Variants in BET1 observed in about 807,000 individuals in gnomAD.
BET1 encodes the protein BET1 homolog.
In BET1, 9 loss-of-function variants were observed where a neutral mutation model predicts 13.9. That is an observed-to-expected ratio of 0.65 (90% CI 0.39 to 1.13). BET1 has a LOEUF of 1.13. Ranked by LOEUF, BET1 falls within the 50% of genes most tolerant of loss-of-function variation. BET1 has a pLI of 0.01. For missense variants in BET1, 127 were observed against 133.6 expected, an observed-to-expected ratio of 0.95 and a Z score of 0.24; for synonymous variants, 39 against 47.3, an observed-to-expected ratio of 0.82 and a Z score of 0.72.
chr7:93,971,782 G>C (rs1352900555), intron 6 of BET1, among the ~76,000 whole-genome samples: 1 of 151,616 alleles, frequency 6.6e-6, no homozygotes, highest in Admixed American at 6.6e-5. Flanking sequence ...TTGTATTAAT[G>C]ATATGGATTC....
chr7:93,991,602 CTATGAG>C (rs558838307), downstream of BET1: 362 of 163,754 alleles, frequency 2.2e-3, 1 homozygote, highest in South Asian at 0.012. Flanking sequence ...TCCTATCAGC[CTATGAG>C]TATATTTCTA....
At chr7:93,965,457 T>C (rs1048523639) in exon 7 of BET1, 11 of 152,108 alleles carry the variant, frequency 7.2e-5, no homozygotes, top group African/African-American at 2.7e-4. Context: ...ATATAATCTA[T>C]ACAATTTTAA....
intron 4 of BET1, among the ~76,000 whole-genome samples, chr7:93,979,502 G>C (rs906187877): frequency 1.3e-5 from 2 of 152,088 alleles, no homozygotes; most frequent in African/African-American, 4.8e-5. Context: ...GGGAATGGTA[G>C]TGTCAGCAAG....
chr7:93,988,868 A>G (rs1795574822), downstream of BET1, among the ~76,000 whole-genome samples: 1 of 150,896 alleles, frequency 6.6e-6, no homozygotes, highest in South Asian at 2.1e-4. Flanking sequence ...ATTAAAACTT[A>G]TTCCACCACA....
intron 1 of BET1, among the ~76,000 whole-genome samples, chr7:94,003,266 C>T (rs1420977361): frequency 6.6e-6 from 1 of 151,400 alleles, no homozygotes; most frequent in Non-Finnish European, 1.5e-5. Context: ...AAAACTTTCT[C>T]ATACTACAAT....
Position 93,983,368 on chromosome 7 carries a change from T to C in BET1, c.236-7268A>G, listed in dbSNP as rs773110282. 6.0e-4 allele frequency among the ~76,000 whole-genome samples: 91 copies of C among 152,208 alleles called. 1 individual carries two copies. Among genetic ancestry groups the C allele is most frequent in the Non-Finnish European group, 1.2e-3 (80 of 68,036 alleles). On this transcript the variant is annotated intron_variant and NMD_transcript_variant, in intron 4 of 6. Coordinates refer to the BET1 transcript ENST00000357520. ...TGCATTGGTGGTTCACCTCAATATA[T>C]TGAATTCCCTAAAAAGACATGAACT...
intron 4 of BET1, among the ~76,000 whole-genome samples, chr7:93,980,255 A>G (rs993922197): frequency 6.6e-6 from 1 of 152,178 alleles, no homozygotes; most frequent in African/African-American, 2.4e-5. Context: ...GAATAGGAGG[A>G]AGGCTTCCAA....
chr7:94,000,615 A>T (rs1366980690), intron 1 of BET1, among the ~76,000 whole-genome samples: 1 of 152,042 alleles, frequency 6.6e-6, no homozygotes, highest in African/African-American at 2.4e-5. Flanking sequence ...TTTTCTGCAG[A>T]AGAGTTCATC....
exon 7 of BET1, chr7:93,964,348 A>C (rs1303846985): frequency 6.6e-6 from 1 of 152,012 alleles, no homozygotes; most frequent in Non-Finnish European, 1.5e-5. Context: ...TCCCACTTAT[A>C]AGTAAGAACA....
chr7:93,967,424 T>C (rs1252280319), intron 6 of BET1, among the ~76,000 whole-genome samples: 1 of 151,852 alleles, frequency 6.6e-6, no homozygotes, highest in Non-Finnish European at 1.5e-5. Context: ...TATAGGGCCA[T>C]CAACTTTAGT....
chr7:93,992,222 C>T, downstream of BET1: 2 of 985,290 alleles, frequency 2.0e-6, no homozygotes, highest in Non-Finnish European at 2.4e-6. Context: ...AATGTTGAAC[C>T]ATGCAGTGAT....
At chr7:93,994,473 T>C (rs1795718130) in intron 3 of BET1, 88 bp from the exon 4 acceptor site, 23 of 1,331,654 alleles carry the variant, frequency 1.7e-5, no homozygotes, top group Non-Finnish European at 2.2e-5. Flanking sequence ...ACTGTTACCA[T>C]AGTACATTTG....
At chr7:93,991,215 T>C (rs1795626997), downstream of BET1, among the ~76,000 whole-genome samples, 1 of 152,204 alleles carries the variant, frequency 6.6e-6, no homozygotes, top group Admixed American at 6.5e-5. Flanking sequence ...TGTAGGAAGA[T>C]TTTATCCATA....
intron 4 of BET1, among the ~76,000 whole-genome samples, chr7:93,978,649 G>A (rs1285681058): frequency 6.6e-6 from 1 of 151,964 alleles, no homozygotes; most frequent in African/African-American, 2.4e-5. Flanking sequence ...ATTACTTAAA[G>A]TAAAAAACTA....
intron 4 of BET1, among the ~76,000 whole-genome samples, chr7:93,979,078 T>C (rs546640106): frequency 6.6e-6 from 1 of 152,326 alleles, no homozygotes; most frequent in South Asian, 2.1e-4. Flanking sequence ...TTCAGATTCC[T>C]GAATCTTTGG....
chr7:93,977,100 C>A (rs574294567), intron 4 of BET1, among the ~76,000 whole-genome samples: 2 of 152,146 alleles, frequency 1.3e-5, no homozygotes, highest in East Asian at 1.9e-4. Context: ...GCTCTTGTAT[C>A]TTCCTTGTTA....
At chr7:93,988,601 ACAT>A (rs923960850), downstream of BET1, among the ~76,000 whole-genome samples, 16 of 152,346 alleles carry the variant, frequency 1.1e-4, no homozygotes, top group Admixed American at 4.6e-4. Context: ...CTGAAAACAT[ACAT>A]CATTTCATTA....
At chr7:93,992,922 A>G (rs1307438376), downstream of BET1, 1 of 985,328 alleles carries the variant, frequency 1.0e-6, no homozygotes, top group African/African-American at 1.7e-5. Context: ...TCCCTTAACC[A>G]CACTCAGTTC....
intron 4 of BET1, among the ~76,000 whole-genome samples, chr7:93,977,440 G>T (rs1348139647): frequency 6.6e-6 from 1 of 152,048 alleles, no homozygotes; most frequent in South Asian, 2.1e-4. Context: ...TACAGATTAC[G>T]GGTAGTAGCT....
Sources: gnomAD v4.1 joint callset for allele counts (sites outside exome capture counted in the v4.1 genomes callset) on GRCh38, gnomAD v4.1.1 for gene constraint, MANE v1.5 for transcripts, NCBI Gene and HGNC (gene_info 2026-07-23, HGNC 2026-07-21) for gene names.